The following PTH2R variants were observed in gnomAD, a reference collection of about 807,000 sequenced individuals.
PTH2R encodes parathyroid hormone 2 receptor, also known as PTH2 receptor.
Under a neutral mutation model 60.3 loss-of-function variants are expected in PTH2R, and 59 were observed. The observed-to-expected ratio is 0.98, with a 90% CI of 0.79 to 1.22. The LOEUF (loss-of-function observed/expected upper bound fraction) is 1.22. Among genes scored for constraint, PTH2R ranks in the 50% most tolerant of loss-of-function variants. PTH2R has a pLI of 0.00. For synonymous variants in PTH2R, 256 were observed against 243.8 expected, an observed-to-expected ratio of 1.05 and a Z score of -0.47; for missense variants, 749 against 682.6, an observed-to-expected ratio of 1.10 and a Z score of -1.08.
At chr2:208,474,333 G>A (rs1230770738) in intron 9 of PTH2R, among the ~76,000 whole-genome samples, 1 of 152,132 alleles carries the variant, frequency 6.6e-6, no homozygotes, top group Non-Finnish European at 1.5e-5. Context: ...TAACAGAAAT[G>A]GTGGTTCATG....
chr2:208,380,682 C>T (rs1310699259), intron 1 of PTH2R, among the ~76,000 whole-genome samples: 1 of 152,096 alleles, frequency 6.6e-6, no homozygotes, highest in Non-Finnish European at 1.5e-5. Context: ...GATAAAAGGC[C>T]TCAGATGTAG....
At chr2:208,375,241 C>G (rs1463574612) in intron 1 of PTH2R, among the ~76,000 whole-genome samples, 1 of 152,010 alleles carries the variant, frequency 6.6e-6, no homozygotes, top group Non-Finnish European at 1.5e-5. Flanking sequence ...TTGATGCAGT[C>G]TCTTTGTAAA....
chr2:208,464,499 T>C (rs1702700830), intron 9 of PTH2R, among the ~76,000 whole-genome samples: 1 of 152,148 alleles, frequency 6.6e-6, no homozygotes, highest in South Asian at 2.1e-4. Flanking sequence ...GTCCAGCCCA[T>C]TTGAGATGCA....
chr2:208,443,633 C>T, intron 6 of PTH2R, 96 bp downstream of exon 6: 1 of 1,073,768 alleles, frequency 9.3e-7, no homozygotes, highest in Non-Finnish European at 1.3e-6. Context: ...CTTGCTTTTA[C>T]TTATCTCTGA....
chr2:208,396,979 A>T (rs1312738377), intron 1 of PTH2R, among the ~76,000 whole-genome samples: 1 of 152,188 alleles, frequency 6.6e-6, no homozygotes, highest in Admixed American at 6.5e-5. Flanking sequence ...TGCAGCCATA[A>T]AAAAGGATGA....
intron 1 of PTH2R, among the ~76,000 whole-genome samples, chr2:208,411,662 C>T (rs745965600): frequency 2.0e-5 from 3 of 152,206 alleles, no homozygotes; most frequent in Non-Finnish European, 4.4e-5. Flanking sequence ...TTGTCATCTA[C>T]TGGAACCCAT....
At chr2:208,445,609 T>C (rs1006082442) in intron 7 of PTH2R, among the ~76,000 whole-genome samples, 1 of 152,174 alleles carries the variant, frequency 6.6e-6, no homozygotes, top group Non-Finnish European at 1.5e-5. Context: ...CAGATCTCAA[T>C]TGCTATTTTA....
At chr2:208,441,761 G>A (rs564595229) in intron 4 of PTH2R, among the ~76,000 whole-genome samples, 1 of 152,254 alleles carries the variant, frequency 6.6e-6, no homozygotes, top group African/African-American at 2.4e-5. Flanking sequence ...TTACAAAAAT[G>A]TACATATGAT....
chr2:208,366,262 C>T (rs1574808209), intron 1 of PTH2R, among the ~76,000 whole-genome samples: 1 of 151,900 alleles, frequency 6.6e-6, no homozygotes, highest in East Asian at 1.9e-4. Context: ...CTTCATGATT[C>T]AGTCTTGGCA....
chr2:208,392,111 C>T (rs557982976), intron 1 of PTH2R, among the ~76,000 whole-genome samples: 1 of 152,278 alleles, frequency 6.6e-6, no homozygotes, highest in Admixed American at 6.5e-5. Context: ...TAACAGTATG[C>T]AGAAAAAGAC....
At chr2:208,484,581 A>AAG (rs1703230285) in intron 10 of PTH2R, among the ~76,000 whole-genome samples, 1 of 152,326 alleles carries the variant, frequency 6.6e-6, no homozygotes, top group Admixed American at 6.5e-5. Flanking sequence ...ATAAAGTAGG[A>AAG]AGAGGTTGCC....
At chr2:208,377,136 C>T (rs13021081) in intron 1 of PTH2R, among the ~76,000 whole-genome samples, 5,039 of 152,054 alleles carry the variant, frequency 0.033, 105 homozygotes, top group Middle Eastern at 0.058. Flanking sequence ...GGCCCTTAAT[C>T]CATTTAACCC....
chr2:208,408,764 G>GAA (rs1701478430), intron 1 of PTH2R, among the ~76,000 whole-genome samples: 1 of 149,832 alleles, frequency 6.7e-6, no homozygotes, highest in Non-Finnish European at 1.5e-5. Context: ...GAGAGAGAGA[G>GAA]AAATAAATAA....
At chr2:208,377,913 C>T (rs1203127697) in intron 1 of PTH2R, among the ~76,000 whole-genome samples, 2 of 151,300 alleles carry the variant, frequency 1.3e-5, no homozygotes, top group African/African-American at 2.4e-5. Flanking sequence ...AGAGGGGCTC[C>T]TCACATCCCA....
intron 1 of PTH2R, among the ~76,000 whole-genome samples, chr2:208,372,918 C>T (rs923492091): frequency 2.6e-5 from 4 of 151,954 alleles, no homozygotes; most frequent in Non-Finnish European, 5.9e-5. Flanking sequence ...AACCCCGTCT[C>T]CACCAAAAAT....
At position 208,379,040 on chromosome 2, in the gene PTH2R, G is replaced by A. The variant is rs571460047; in HGVS notation, c.-259+18803G>A. Reference sequence around the variant, plus strand: ...ACTGAAGACACAGTTGAAAACTAAAGATAGCTAGTGAAACACATGTTCTCT... The same window carrying A: ...ACTGAAGACACAGTTGAAAACTAAAAATAGCTAGTGAAACACATGTTCTCT... On this transcript the variant is annotated intron_variant, in intron 1 of 12. Coordinates refer to the PTH2R transcript ENST00000617735. Among the ~76,000 whole-genome samples, 2 of 152,250 alleles carry A rather than the reference G, an allele frequency of 1.3e-5. 1 individual carries two copies. The highest frequency in any genetic ancestry group is 4.1e-4 in the South Asian group (2 of 4,834).
chr2:208,396,012 C>G (rs1189032168), intron 1 of PTH2R, among the ~76,000 whole-genome samples: 2 of 152,162 alleles, frequency 1.3e-5, no homozygotes, highest in Admixed American at 6.5e-5. Context: ...CACCACACAT[C>G]TACAACCATC....
intron 1 of PTH2R, among the ~76,000 whole-genome samples, chr2:208,419,241 T>G (rs1164912295): frequency 6.6e-6 from 1 of 152,214 alleles, no homozygotes; most frequent in Non-Finnish European, 1.5e-5. Flanking sequence ...TATCTCATTG[T>G]GGTTTTGATT....
At position 208,406,920 on chromosome 2, in the gene PTH2R, G is replaced by GGGCTGGGT; in HGVS notation, c.-124_-123insGGCTGGGT. The stretch of plus-strand genomic sequence containing the variant: ...CACCCTCGGCCGGTGGCCCGGGCCC[G>GGGCTGGGT]ACCACCCCAGCTGCGCGTCGTTACT... On this transcript the variant is annotated 5_prime_UTR_variant, in exon 1 of 13. Transcript: ENST00000272847. 2.6e-6 allele frequency: 2 copies of GGGCTGGGT among 778,192 alleles called. No individual in the cohort carries two copies. The highest frequency in any genetic ancestry group is 3.1e-5 in the Admixed American group (1 of 31,910). The allele number at this position is 778,192 out of a possible 1,614,324, so 48.2% of individuals were successfully genotyped here.
Sources: allele counts gnomAD v4.1 joint callset (sites outside exome capture counted in the v4.1 genomes callset), GRCh38; gene constraint gnomAD v4.1.1; transcripts MANE v1.5; gene names NCBI Gene and HGNC (gene_info 2026-07-23, HGNC 2026-07-21).